KCNH5: variants seen among roughly 807,000 people sequenced by gnomAD.
The protein encoded by KCNH5 is voltage-gated delayed rectifier potassium channel KCNH5.
KCNH5 carries 46 observed loss-of-function variants against 96.1 expected under a neutral mutation model. That is an observed-to-expected ratio of 0.48 (90% confidence interval 0.38 to 0.61). KCNH5 has a LOEUF of 0.61. Among genes scored for constraint, KCNH5 ranks in the 20% least tolerant of loss-of-function variants. The pLI, the probability that KCNH5 is intolerant of heterozygous loss-of-function variation, is 0.00. For synonymous variants in KCNH5, 439 were observed against 449.8 expected (o/e 0.98, Z 0.30); for missense variants, 907 against 1,225.8 (o/e 0.74, Z 3.88).
intron 8 of KCNH5, among the ~76,000 whole-genome samples, chr14:62,823,945 C>T (rs543627586): frequency 6.6e-6 from 1 of 151,776 alleles, no homozygotes; most frequent in South Asian, 2.1e-4. Context: ...AATGATCTGC[C>T]TTGCAGCAAA....
At chr14:62,907,334 C>A (rs1013156063) in intron 7 of KCNH5, among the ~76,000 whole-genome samples, 1 of 152,154 alleles carries the variant, frequency 6.6e-6, no homozygotes, top group African/African-American at 2.4e-5. Flanking sequence ...ATAGATCTAG[C>A]CCATTACTCT....
intron 7 of KCNH5, among the ~76,000 whole-genome samples, chr14:62,900,398 A>G (rs1888901227): frequency 6.6e-6 from 1 of 152,246 alleles, no homozygotes; most frequent in Non-Finnish European, 1.5e-5. Context: ...TTTTATGTGT[A>G]TGCACAAGAA....
intron 8 of KCNH5, among the ~76,000 whole-genome samples, chr14:62,821,861 T>C (rs971169601): frequency 6.6e-6 from 1 of 152,130 alleles, no homozygotes; most frequent in African/African-American, 2.4e-5. Context: ...TTTGTGCCCA[T>C]GGCAGATCGA....
At chr14:62,878,207 G>GA (rs201646764) in intron 7 of KCNH5, among the ~76,000 whole-genome samples, 1 of 130,492 alleles carries the variant, frequency 7.7e-6, no homozygotes, top group Non-Finnish European at 1.6e-5. Context: ...GGGATGGGGG[G>GA]GGGGGCGGAG....
At chr14:62,993,082 AAT>A (rs1305881760) in intron 4 of KCNH5, among the ~76,000 whole-genome samples, 1 of 152,044 alleles carries the variant, frequency 6.6e-6, no homozygotes. Context: ...TCCTTTCCCC[AAT>A]ATATGTTCTT....
chr14:62,749,051 C>T (rs983425348), intron 10 of KCNH5, among the ~76,000 whole-genome samples: 1 of 152,152 alleles, frequency 6.6e-6, no homozygotes, highest in Admixed American at 6.5e-5. Flanking sequence ...CTGGAACATA[C>T]ACACAGCACT....
chr14:62,911,221 A>G (rs2140100793), intron 7 of KCNH5, among the ~76,000 whole-genome samples: 1 of 152,234 alleles, frequency 6.6e-6, no homozygotes, highest in Non-Finnish European at 1.5e-5. Context: ...GATGGTATAA[A>G]CAACATAATG....
chr14:62,880,783 G>T (rs1888476551), intron 7 of KCNH5, among the ~76,000 whole-genome samples: 1 of 152,156 alleles, frequency 6.6e-6, no homozygotes, highest in Non-Finnish European at 1.5e-5. Flanking sequence ...GTTGAATAAT[G>T]AGCAATCACT....
At chr14:62,787,960 G>C (rs1421745968) in intron 9 of KCNH5, among the ~76,000 whole-genome samples, 1 of 152,158 alleles carries the variant, frequency 6.6e-6, no homozygotes, top group Non-Finnish European at 1.5e-5. Context: ...TTTCATGCCG[G>C]CTAACACAAC....
intron 1 of KCNH5, among the ~76,000 whole-genome samples, chr14:63,031,912 G>C (rs1409102795): frequency 6.6e-6 from 1 of 151,970 alleles, no homozygotes; most frequent in African/African-American, 2.4e-5. Flanking sequence ...GGGTGGAACA[G>C]CTTTTTAGGG....
chr14:62,740,150 C>T (rs183673882), intron 10 of KCNH5, among the ~76,000 whole-genome samples: 14 of 152,204 alleles, frequency 9.2e-5, no homozygotes, highest in Non-Finnish European at 1.9e-4. Context: ...CTGTGATAGA[C>T]TCATTATAGG....
intron 2 of KCNH5, 82 bp downstream of exon 2, chr14:63,016,749 T>C (rs947513626): frequency 1.2e-5 from 17 of 1,385,836 alleles, no homozygotes; most frequent in Non-Finnish European, 1.6e-5. Flanking sequence ...TATATGGGAG[T>C]CCAAGTAAGC....
chr14:62,751,070 CTTTAAGTGTTATATAA>C (rs981691172), intron 10 of KCNH5, among the ~76,000 whole-genome samples: 6 of 152,030 alleles, frequency 3.9e-5, no homozygotes, highest in African/African-American at 7.3e-5. Context: ...GTTTGGCATA[CTTTAAGTGTTATATAA>C]GGAGCATCTA....
chr14:63,015,416 AAG>A (rs1566541836), intron 2 of KCNH5, among the ~76,000 whole-genome samples: 1 of 152,000 alleles, frequency 6.6e-6, no homozygotes, highest in Non-Finnish European at 1.5e-5. Context: ...TAGAGAGGGA[AAG>A]AGAGAGTTAT....
At chr14:62,946,633 A>G (rs1347037883) in intron 7 of KCNH5, among the ~76,000 whole-genome samples, 2 of 152,066 alleles carry the variant, frequency 1.3e-5, no homozygotes, top group Non-Finnish European at 1.5e-5. Flanking sequence ...GTATTAACAT[A>G]GCAGCTTTAT....
chr14:62,849,517 TTGAC>T lies in KCNH5; in HGVS notation c.1569+132_1569+135del, dbSNP rs566792362. 3.5e-4 allele frequency: 235 copies of T among 670,120 alleles called. 1 individual carries two copies. Among genetic ancestry groups the T allele is most frequent in the African/African-American group, 3.5e-3 (193 of 55,520 alleles). The allele number at this position is 670,120 out of a possible 1,614,324, so 41.5% of individuals were successfully genotyped here. On this transcript the variant is annotated intron_variant, in intron 8 of 10. Transcript: ENST00000322893. Reference sequence around the variant, plus strand: ...CTAAGCACTTAATAAATATGACTGATTGACTGATATGTCACTTACAAATACAGAA... The same window carrying T: ...CTAAGCACTTAATAAATATGACTGATTGATATGTCACTTACAAATACAGAA...
chr14:63,003,248 T>C (rs990557936), intron 3 of KCNH5, among the ~76,000 whole-genome samples: 2 of 151,042 alleles, frequency 1.3e-5, no homozygotes, highest in African/African-American at 4.9e-5. Flanking sequence ...TTTCCCCAAG[T>C]AGGCTGAGTA....
intron 7 of KCNH5, among the ~76,000 whole-genome samples, chr14:62,943,075 G>T (rs1250743594): frequency 6.6e-6 from 1 of 152,044 alleles, no homozygotes; most frequent in Admixed American, 6.6e-5. Flanking sequence ...CATATATATG[G>T]AGAGAGAAAA....
intron 7 of KCNH5, among the ~76,000 whole-genome samples, chr14:62,872,128 T>C (rs1189639082): frequency 6.6e-6 from 1 of 152,254 alleles, no homozygotes; most frequent in African/African-American, 2.4e-5. Context: ...CACAATTTCA[T>C]TTCCTGGTCA....
Sources: allele counts gnomAD v4.1 joint callset (sites outside exome capture counted in the v4.1 genomes callset), GRCh38; gene constraint gnomAD v4.1.1; transcripts MANE v1.5; gene names NCBI Gene and HGNC (gene_info 2026-07-23, HGNC 2026-07-21).